RAPGEF5: variants seen among roughly 807,000 people sequenced by gnomAD.
The protein encoded by RAPGEF5 is Rap guanine nucleotide exchange factor 5.
In RAPGEF5, 65 loss-of-function variants were observed where a neutral mutation model predicts 125.2. The ratio of observed to expected loss-of-function variants is 0.52; its 90% CI spans 0.43 to 0.64. The LOEUF (loss-of-function observed/expected upper bound fraction) is 0.64, where lower values mean the gene tolerates loss of function less well. Among genes scored for constraint, RAPGEF5 ranks in the 30% least tolerant of loss-of-function variants. The pLI, the probability that RAPGEF5 is intolerant of heterozygous loss-of-function variation, is 0.00. For missense variants in RAPGEF5, 958 were observed against 1,048.1 expected (o/e 0.91, Z 1.19); for synonymous variants, 391 against 385.9 (o/e 1.01, Z -0.16).
At position 22,295,049 on chromosome 7, in the gene RAPGEF5, A is replaced by T. The variant is rs904411909; in HGVS notation, c.681-3808T>A. Reference sequence around the variant, plus strand: ...CTCCAGAACTTGCTCAATTTAATAAATGAAAGTTTGTATGCTTTGATCAAC... The same window carrying T: ...CTCCAGAACTTGCTCAATTTAATAATTGAAAGTTTGTATGCTTTGATCAAC... On this transcript the variant is annotated intron_variant, in intron 5 of 25. Coordinates refer to ENST00000665637, the MANE Select transcript of RAPGEF5 (RefSeq NM_012294.5). Among the ~76,000 whole-genome samples, 4 of 152,320 alleles carry T rather than the reference A, an allele frequency of 2.6e-5. No homozygotes were observed. The South Asian group carries it at 8.3e-4, about 32-fold the overall frequency.
chr7:22,242,161 G>C (rs1023863036), intron 7 of RAPGEF5, among the ~76,000 whole-genome samples: 9 of 152,194 alleles, frequency 5.9e-5, no homozygotes, highest in African/African-American at 2.2e-4. Flanking sequence ...AGATGGCCGA[G>C]GGTAAACTGT....
intron 1 of RAPGEF5, among the ~76,000 whole-genome samples, chr7:22,318,344 T>C (rs1376470571): frequency 6.6e-6 from 1 of 152,094 alleles, no homozygotes; most frequent in Non-Finnish European, 1.5e-5. Flanking sequence ...TTGGATTCCA[T>C]TTCTCCTTTC....
At chr7:22,223,977 C>T (rs1001116546) in intron 8 of RAPGEF5, among the ~76,000 whole-genome samples, 1 of 152,062 alleles carries the variant, frequency 6.6e-6, no homozygotes, top group Non-Finnish European at 1.5e-5. Flanking sequence ...TTGCAACTGC[C>T]CAATTCTGCA....
intron 4 of RAPGEF5, among the ~76,000 whole-genome samples, chr7:22,309,120 A>G (rs1246393956): frequency 6.6e-6 from 1 of 152,250 alleles, no homozygotes; most frequent in East Asian, 1.9e-4. Flanking sequence ...AGGAATCAAG[A>G]GCTAGAGATT....
chr7:22,175,543 C>G (rs973984261), intron 11 of RAPGEF5, among the ~76,000 whole-genome samples: 4 of 152,124 alleles, frequency 2.6e-5, no homozygotes, highest in Non-Finnish European at 5.9e-5. Flanking sequence ...GGCACGAAGC[C>G]TTCAGCACCA....
chr7:22,309,840 G>C, intron 4 of RAPGEF5, 129 bp downstream of exon 4: 1 of 1,077,688 alleles, frequency 9.3e-7, no homozygotes, highest in South Asian at 1.9e-5. Context: ...GAAAATAAGA[G>C]AGAATACAAA....
intron 6 of RAPGEF5, among the ~76,000 whole-genome samples, chr7:22,287,031 T>G (rs1404986693): frequency 6.6e-6 from 1 of 152,210 alleles, no homozygotes; most frequent in Admixed American, 6.5e-5. Flanking sequence ...GCTGATAAGT[T>G]AGAATGCGGA....
intron 7 of RAPGEF5, among the ~76,000 whole-genome samples, chr7:22,252,768 T>C (rs1441650202): frequency 6.6e-6 from 1 of 152,222 alleles, no homozygotes; most frequent in African/African-American, 2.4e-5. Flanking sequence ...ATTTTCTTTG[T>C]ATCCCAGTGG....
chr7:22,203,095 C>T (rs564753885), intron 9 of RAPGEF5, among the ~76,000 whole-genome samples: 2 of 152,112 alleles, frequency 1.3e-5, no homozygotes, highest in South Asian at 4.2e-4. Context: ...AAATTTTTTC[C>T]ACTGCAATGC....
intron 11 of RAPGEF5, among the ~76,000 whole-genome samples, chr7:22,177,779 G>T (rs1784554101): frequency 6.6e-6 from 1 of 152,134 alleles, no homozygotes; most frequent in African/African-American, 2.4e-5. Flanking sequence ...ATGTCTGAAG[G>T]GCCTAAGTCC....
chr7:22,321,739 A>T (rs1162697063), intron 1 of RAPGEF5, among the ~76,000 whole-genome samples: 1 of 152,222 alleles, frequency 6.6e-6, no homozygotes, highest in Non-Finnish European at 1.5e-5. Flanking sequence ...AAGATGAAAC[A>T]ATGGAATAAA....
intron 13 of RAPGEF5, among the ~76,000 whole-genome samples, chr7:22,161,185 G>A (rs929786549): frequency 6.6e-6 from 1 of 152,128 alleles, no homozygotes; most frequent in African/African-American, 2.4e-5. Flanking sequence ...CTCCAGCCTA[G>A]GCGACAGAGC....
chr7:22,273,395 T>C (rs2128143203), intron 6 of RAPGEF5, among the ~76,000 whole-genome samples: 1 of 151,862 alleles, frequency 6.6e-6, no homozygotes, highest in Admixed American at 6.6e-5. Context: ...ATTTTTTGTA[T>C]TTTTAGTAGA....
intron 4 of RAPGEF5, among the ~76,000 whole-genome samples, chr7:22,309,366 C>G (rs1167120150): frequency 6.6e-6 from 1 of 152,164 alleles, no homozygotes; most frequent in South Asian, 2.1e-4. Flanking sequence ...GAAAAAAGTG[C>G]TTTTCAGTGA....
At chr7:22,301,351 CA>C (rs909402420) in intron 5 of RAPGEF5, among the ~76,000 whole-genome samples, 1 of 152,074 alleles carries the variant, frequency 6.6e-6, no homozygotes, top group Admixed American at 6.5e-5. Flanking sequence ...CGTGGTGGCT[CA>C]CGCCTGTAAT....
intron 7 of RAPGEF5, among the ~76,000 whole-genome samples, chr7:22,247,028 T>C (rs1786494769): frequency 6.6e-6 from 1 of 152,114 alleles, no homozygotes; most frequent in Admixed American, 6.6e-5. Context: ...CTCCAATGAG[T>C]TATCATCTGA....
intron 3 of RAPGEF5, 84 bp from the exon 4 acceptor site, chr7:22,310,174 C>T: frequency 7.8e-7 from 1 of 1,287,858 alleles, no homozygotes; most frequent in Non-Finnish European, 9.9e-7. Context: ...AATACCTTTC[C>T]TTTCATGTGC....
intron 1 of RAPGEF5, among the ~76,000 whole-genome samples, chr7:22,318,855 T>C (rs1783657021): frequency 6.6e-6 from 1 of 152,200 alleles, no homozygotes; most frequent in Admixed American, 6.5e-5. Flanking sequence ...TGCTCAGCAT[T>C]GTTGACTGTT....
intron 1 of RAPGEF5, among the ~76,000 whole-genome samples, chr7:22,336,455 T>A (rs1784028446): frequency 1.3e-5 from 2 of 152,214 alleles, no homozygotes; most frequent in Non-Finnish European, 2.9e-5. Flanking sequence ...GGGAGAAGAC[T>A]GAACTTAAGC....
Sources: gnomAD v4.1 joint callset for allele counts (sites outside exome capture counted in the v4.1 genomes callset) on GRCh38, gnomAD v4.1.1 for gene constraint, MANE v1.5 for transcripts, NCBI Gene and HGNC (gene_info 2026-07-23, HGNC 2026-07-21) for gene names.